Variants in RBM39 observed in about 807,000 individuals in gnomAD.
RBM39 encodes the protein RNA-binding protein 39.
RBM39 carries 12 observed loss-of-function variants against 79.6 expected under a neutral mutation model. The ratio of observed to expected loss-of-function variants is 0.15; its 90% CI spans 0.10 to 0.24. The LOEUF (loss-of-function observed/expected upper bound fraction) is 0.24. Among genes scored for constraint, RBM39 ranks in the 10% least tolerant of loss-of-function variants. RBM39 has a pLI of 1.00. For missense variants in RBM39, 243 were observed against 653.4 expected (o/e 0.37, Z 6.85); for synonymous variants, 185 against 208.4 (o/e 0.89, Z 0.97).
At chr20:35,734,778 C>A in intron 3 of RBM39, 1 of 1,316,698 alleles carries the variant, frequency 7.6e-7, no homozygotes. Flanking sequence ...CATAAAAGCC[C>A]AGAGAAAACT....
intron 3 of RBM39, 138 bp downstream of exon 3, chr20:35,738,830 A>G: frequency 1.3e-6 from 1 of 774,022 alleles, no homozygotes; most frequent in Middle Eastern, 2.4e-4. Flanking sequence ...CTCAAAAGGC[A>G]AAGAACCAAT....
In RBM39 at chr20:35,713,056, T is replaced by C. The variant is rs1355954032; in HGVS notation, c.1137A>G (p.Leu379=). ...LQIPPAAQQA[L]QMSGSLAFGA... The stretch of plus-strand genomic sequence containing the variant: ...CAAATGCCAAAGAGCCACTCATCTG[T>C]AGAGCTTGCTGTGCTGCTGGCGGAA... Residue 379 remains leucine, a synonymous_variant, in exon 12 of 17, where the codon CTA becomes CTG. Transcript: ENST00000253363. 5.0e-6 allele frequency: 8 copies of C among 1,613,794 alleles called. No homozygotes were observed. The highest frequency in any genetic ancestry group is 1.7e-5 in the Admixed American group (1 of 59,982).
intron 9 of RBM39, among the ~76,000 whole-genome samples, chr20:35,717,660 T>G (rs1329718752): frequency 6.6e-6 from 1 of 152,160 alleles, no homozygotes; most frequent in Non-Finnish European, 1.5e-5. Context: ...ATCTCCTGAT[T>G]TAGCTGTCCA....
At position 35,725,030 on chromosome 20, in the gene RBM39, A is replaced by G; in HGVS notation, c.534+8T>C. The G allele has an allele frequency of 1.9e-6, 3 of 1,588,842 alleles. No homozygotes were observed. Among genetic ancestry groups the G allele is most frequent in the Non-Finnish European group, 2.6e-6 (3 of 1,161,914 alleles). ...CCTACTTGACCTCCCTAAACAGGTTAAGATTACCTTTCCTACTGTAGAGAA... is the reference window on the plus strand; with the variant it reads ...CCTACTTGACCTCCCTAAACAGGTTGAGATTACCTTTCCTACTGTAGAGAA... On this transcript the variant is annotated splice_region_variant and intron_variant, in intron 7 of 16. Transcript: ENST00000253363.
At chr20:35,741,037 T>TATTTTTTTTTTA (rs1555909181) in intron 1 of RBM39, 150 bp from the exon 2 acceptor site, 2 of 421,486 alleles carry the variant, frequency 4.7e-6, no homozygotes, top group Admixed American at 9.6e-5. Flanking sequence ...TTTCTTTTTT[T>TATTTTTTTTTTA]TTTTTTTTTT....
At chr20:35,714,033 C>T (rs1166685045) in intron 11 of RBM39, 152 bp downstream of exon 11, 1 of 696,950 alleles carries the variant, frequency 1.4e-6, no homozygotes, top group East Asian at 2.7e-5. Context: ...ATACAAGGCA[C>T]ATCATCTATA....
intron 3 of RBM39, among the ~76,000 whole-genome samples, chr20:35,735,721 T>G (rs184970348): frequency 5.8e-4 from 89 of 152,364 alleles, no homozygotes; most frequent in African/African-American, 2.1e-3. Flanking sequence ...GAGTCCTGAT[T>G]GAACAAGGGA....
chr20:35,705,106 G>A (rs1357006776), intron 15 of RBM39, 119 bp downstream of exon 15: 4 of 671,310 alleles, frequency 6.0e-6, no homozygotes, highest in African/African-American at 3.8e-5. Flanking sequence ...CTACTTTCAG[G>A]CACACACACA....
intron 3 of RBM39, among the ~76,000 whole-genome samples, chr20:35,736,918 T>C (rs750269506): frequency 6.6e-6 from 1 of 150,512 alleles, no homozygotes; most frequent in East Asian, 2.0e-4. Context: ...CCCAAAGTGC[T>C]GGGATTACAG....
intron 4 of RBM39, chr20:35,731,616 T>G: frequency 3.6e-6 from 1 of 280,796 alleles, no homozygotes. Flanking sequence ...TTGTTAAGCT[T>G]TCTTAGGTAT....
intron 2 of RBM39, 116 bp downstream of exon 2, chr20:35,740,708 C>T: frequency 2.3e-6 from 3 of 1,314,062 alleles, no homozygotes; most frequent in Non-Finnish European, 3.3e-6. Flanking sequence ...CGTAATGCAT[C>T]TCTGATAAGA....
chr20:35,708,881 G>A (rs571947201), intron 13 of RBM39: 3 of 201,912 alleles, frequency 1.5e-5, no homozygotes, highest in Admixed American at 5.4e-5. Flanking sequence ...TAAAATACTT[G>A]CCTACTCGTT....
At chr20:35,721,511 T>G (rs1375645839) in intron 9 of RBM39, among the ~76,000 whole-genome samples, 1 of 152,200 alleles carries the variant, frequency 6.6e-6, no homozygotes, top group Admixed American at 6.5e-5. Context: ...TTATTAACTC[T>G]AATACCCATT....
In RBM39 at chr20:35,704,414, A is replaced by C; in HGVS notation, c.*67T>G. On this transcript the variant is annotated 3_prime_UTR_variant, in exon 17 of 17. Coordinates refer to ENST00000253363, the MANE Select transcript of RBM39 (RefSeq NM_184234.3). ...TTGCCTCTTTATTTTTATCTAAATA[A>C]AAGATAACTCAAGATGAATTCTCAA... 1 of 1,142,834 alleles carries C rather than the reference A, an allele frequency of 8.8e-7. No homozygotes were observed. Among genetic ancestry groups the C allele is most frequent in the Non-Finnish European group, 1.3e-6 (1 of 789,274 alleles). 70.8% of individuals were successfully genotyped at this position (1,142,834 alleles called of 1,614,324 possible). A position where few individuals can be genotyped will look rare whatever the true frequency, so the allele number is the denominator to read the frequency against.
intron 6 of RBM39, among the ~76,000 whole-genome samples, chr20:35,727,396 G>A (rs2038848439): frequency 7.1e-6 from 1 of 141,426 alleles, no homozygotes; most frequent in South Asian, 2.2e-4. Context: ...TCTAGCCGGG[G>A]GTCTCAAAAA....
At chr20:35,723,442 CTT>C (rs1031613776) in intron 8 of RBM39, among the ~76,000 whole-genome samples, 1 of 152,062 alleles carries the variant, frequency 6.6e-6, no homozygotes, top group Non-Finnish European at 1.5e-5. Flanking sequence ...TTGAGTAACT[CTT>C]TTTTCTTTTT....
At chr20:35,704,875 ACTGG>A in intron 15 of RBM39, 129 bp from the exon 16 acceptor site, 1 of 716,378 alleles carries the variant, frequency 1.4e-6, no homozygotes, top group East Asian at 2.7e-5. Flanking sequence ...TAATGGTTCC[ACTGG>A]CTAATAGGTA....
chr20:35,712,950 G>T, intron 12 of RBM39, 69 bp downstream of exon 12: 1 of 1,310,094 alleles, frequency 7.6e-7, no homozygotes, highest in Non-Finnish European at 1.1e-6. Flanking sequence ...CCTTTTAAAT[G>T]TAAAAATTTG....
At position 35,734,995 on chromosome 20, in the gene RBM39, A is replaced by T. The variant is rs756625313; in HGVS notation, c.102-2860T>A. 61 of 1,611,182 alleles carry T rather than the reference A, an allele frequency of 3.8e-5. No individual in the cohort carries two copies. The Admixed American group carries it at 1.0e-3, about 27-fold the overall frequency. ...GGCTGGGCCTTTGGACTTTTTGGTT[A>T]TATGGCCTCTGCAGTAAAGGTGTTT... On this transcript the variant is annotated intron_variant, in intron 3 of 16. Coordinates refer to ENST00000253363, the MANE Select transcript of RBM39 (RefSeq NM_184234.3).
Sources: allele counts gnomAD v4.1 joint callset (sites outside exome capture counted in the v4.1 genomes callset), GRCh38; gene constraint gnomAD v4.1.1; transcripts MANE v1.5; gene names NCBI Gene and HGNC (gene_info 2026-07-23, HGNC 2026-07-21).